The following HEATR4 variants were observed in gnomAD, a reference collection of about 807,000 sequenced individuals.
HEATR4 encodes HEAT repeat containing 4, also known as HEAT repeat-containing protein 4.
Under a neutral mutation model 108.8 loss-of-function variants are expected in HEATR4, and 95 were observed. The ratio of observed to expected loss-of-function variants is 0.87; its 90% CI spans 0.74 to 1.04. HEATR4 has a LOEUF of 1.04. HEATR4 is among the 50% of genes least tolerant of loss of function. HEATR4 has a pLI of 0.00. For synonymous variants in HEATR4, 443 were observed against 459.4 expected (o/e 0.96, Z 0.46); for missense variants, 1,152 against 1,253.8 (o/e 0.92, Z 1.23).
upstream of HEATR4, among the ~76,000 whole-genome samples, chr14:73,560,661 CAA>C (rs11448429): frequency 1.8e-4 from 22 of 120,766 alleles, no homozygotes; most frequent in Admixed American, 4.2e-4. Flanking sequence ...GACTCCATCT[CAA>C]AAAAAAAAAA....
Position 73,537,861 on chromosome 14 carries a change from C to A in HEATR4, c.-151-7617G>T. Reference sequence around the variant, plus strand: ...GTGCGCGCGGGCCGGGTGCGAGGCACGCTCTTCCTGCCGCCAGGTGACTCA... The same window carrying A: ...GTGCGCGCGGGCCGGGTGCGAGGCAAGCTCTTCCTGCCGCCAGGTGACTCA... On this transcript the variant is annotated intron_variant, in intron 1 of 17. Transcript: ENST00000553558. 1.7e-6 allele frequency: 2 copies of A among 1,201,712 alleles called. 1 individual carries two copies. The highest frequency in any genetic ancestry group is 2.2e-6 in the Non-Finnish European group (2 of 920,180). The allele number at this position is 1,201,712 out of a possible 1,614,324, so 74.4% of individuals were successfully genotyped here. A position where few individuals can be genotyped will look rare whatever the true frequency, so the allele number is the denominator to read the frequency against.
At chr14:73,583,586 C>T in the HEATR4 span, among the ~76,000 whole-genome samples, 3 of 152,094 alleles carry the variant, frequency 2.0e-5, no homozygotes, top group East Asian at 1.9e-4. Context: ...TGAAAATTGG[C>T]GGTTGGTGCC....
the HEATR4 span, among the ~76,000 whole-genome samples, chr14:73,607,564 T>G: frequency 1.3e-5 from 2 of 151,082 alleles, no homozygotes; most frequent in Non-Finnish European, 2.9e-5. Flanking sequence ...CCTTGTTACT[T>G]ATGCAAGTCT....
chr14:73,528,982 A>AC (rs1888532177), intron 2 of HEATR4: 1 of 152,168 alleles, frequency 6.6e-6, no homozygotes, highest in South Asian at 2.1e-4. Context: ...ATGAGGCAGC[A>AC]CCCACTTCCA....
intron 16 of HEATR4, 32 bp downstream of exon 16, chr14:73,495,196 C>G (rs1886039284): frequency 1.3e-6 from 2 of 1,591,458 alleles, no homozygotes; most frequent in African/African-American, 1.4e-5. Flanking sequence ...TTAAAGGAAT[C>G]AAGGCATGGA....
In HEATR4 at chr14:73,478,762, T is replaced by G; in HGVS notation, c.2925A>C (p.Ser975=). The G allele has an allele frequency of 6.2e-7, 1 of 1,613,752 alleles. No individual in the cohort carries two copies. Among genetic ancestry groups the G allele is most frequent in the Non-Finnish European group, 8.5e-7 (1 of 1,179,954 alleles). Residue 975 remains serine, a synonymous_variant, in exon 18 of 18, where the codon TCA becomes TCC. Coordinates refer to ENST00000553558, the MANE Select transcript of HEATR4 (RefSeq NM_001220484.1). ...GLTTRSKVRS[S]LVKDLRTSPE... is the part of the protein sequence containing the mutation. ...GGGAGGTGCGTAGATCTTTGACAAG[T>G]GATGAACGAACTTTGCTTCGTGTGG... is the stretch of plus-strand genomic sequence containing the variant.
intron 11 of HEATR4, among the ~76,000 whole-genome samples, 172 bp from the exon 12 acceptor site, chr14:73,500,902 C>T (rs1330663078): frequency 6.6e-6 from 1 of 152,182 alleles, no homozygotes; most frequent in African/African-American, 2.4e-5. Context: ...GTCTTCTTTA[C>T]TTGAATCCCT....
At chr14:73,576,816 A>AAGAAG in the HEATR4 span, among the ~76,000 whole-genome samples, 1 of 58,142 alleles carries the variant, frequency 1.7e-5, no homozygotes, top group Non-Finnish European at 3.3e-5. Flanking sequence ...AAAAAAAAAA[A>AAGAAG]AAAAGACAAT....
the HEATR4 span, among the ~76,000 whole-genome samples, chr14:73,576,232 G>A: frequency 1.3e-5 from 2 of 151,904 alleles, no homozygotes; most frequent in South Asian, 4.1e-4. Flanking sequence ...AATATAAAAA[G>A]TGTATCAGAT....
chr14:73,479,406 G>A (rs533770690), intron 17 of HEATR4, among the ~76,000 whole-genome samples: 2 of 36,290 alleles, frequency 5.5e-5, no homozygotes, highest in East Asian at 9.5e-4. Context: ...CAGCCACTGC[G>A]CCCGGCGTTT....
the HEATR4 span, among the ~76,000 whole-genome samples, chr14:73,576,793 C>CAAA: frequency 8.3e-4 from 10 of 12,106 alleles, 2 homozygotes; most frequent in African/African-American, 1.5e-3. Context: ...GACACAGTCT[C>CAAA]AAAAAAAAAA....
intron 5 of HEATR4, among the ~76,000 whole-genome samples, chr14:73,517,742 G>A (rs1405089550): frequency 1.3e-5 from 2 of 150,954 alleles, no homozygotes; most frequent in Non-Finnish European, 2.9e-5. Context: ...AGGGAGACAT[G>A]AAGGAAGGAA....
At chr14:73,480,232 G>A (rs1004916030) in intron 17 of HEATR4, among the ~76,000 whole-genome samples, 13 of 151,768 alleles carry the variant, frequency 8.6e-5, no homozygotes, top group South Asian at 2.1e-4. Flanking sequence ...ACTTGAGGTC[G>A]GGAGTTCAAG....
At chr14:73,536,516 TAAAAAA>T (rs543491523) in intron 1 of HEATR4, among the ~76,000 whole-genome samples, 1 of 59,344 alleles carries the variant, frequency 1.7e-5, no homozygotes, top group Non-Finnish European at 3.2e-5. Context: ...CCTGTCTCTT[TAAAAAA>T]AAAAAAAAAA....
chr14:73,592,558 A>ATTTTGG, the HEATR4 span: 2 of 1,078,574 alleles, frequency 1.9e-6, no homozygotes, highest in Non-Finnish European at 2.6e-6. Context: ...CTCTACCAAA[A>ATTTTGG]TAGAGGGTTT....
chr14:73,594,022 GA>G, the HEATR4 span: 1 of 915,574 alleles, frequency 1.1e-6, no homozygotes. Flanking sequence ...GTCTTCTGGA[GA>G]CTTCCTTGGC....
At position 73,519,174 on chromosome 14, in the gene HEATR4, A is replaced by T. The variant is rs1887818314; in HGVS notation, c.1070-11T>A. ...TGATCTGGACTTCATCTGTGAACAG[A>T]CAAAGAAACAATGAGTCCCCTATAA... On this transcript the variant is annotated splice_polypyrimidine_tract_variant and intron_variant, in intron 4 of 17. Coordinates refer to ENST00000553558, the MANE Select transcript of HEATR4 (RefSeq NM_001220484.1). 6.2e-7 allele frequency: 1 copy of T among 1,608,238 alleles called. No individual in the cohort carries two copies. Among genetic ancestry groups the T allele is most frequent in the African/African-American group, 1.3e-5 (1 of 74,666 alleles).
chr14:73,513,524 G>A (rs1887395245), intron 6 of HEATR4, among the ~76,000 whole-genome samples: 1 of 151,614 alleles, frequency 6.6e-6, no homozygotes, highest in Admixed American at 6.6e-5. Context: ...TCAGGAGTTT[G>A]AGACCACTCT....
chr14:73,595,419 C>T, the HEATR4 span: 1 of 1,614,196 alleles, frequency 6.2e-7, no homozygotes. Context: ...CGGTTACAGG[C>T]CCATGGAAAG....
Sources: allele counts gnomAD v4.1 joint callset (sites outside exome capture counted in the v4.1 genomes callset), GRCh38; gene constraint gnomAD v4.1.1; transcripts MANE v1.5; gene names NCBI Gene and HGNC (gene_info 2026-07-23, HGNC 2026-07-21).